Variants in PCDH15 observed in about 807,000 individuals in gnomAD.
The protein encoded by PCDH15 is protocadherin related 15.
PCDH15 carries 129 observed loss-of-function variants against 178.5 expected under a neutral mutation model. The observed-to-expected ratio is 0.72, with a 90% CI of 0.63 to 0.84. The LOEUF is 0.84. PCDH15 is among the 40% of genes least tolerant of loss of function. PCDH15 has a pLI of 0.00. For synonymous variants in PCDH15, 800 were observed against 732.0 expected (o/e 1.09, Z -1.50); for missense variants, 2,230 against 2,099.9 (o/e 1.06, Z -1.21).
At chr10:53,996,063 T>C (rs1020341531) in intron 20 of PCDH15, among the ~76,000 whole-genome samples, 11 of 152,158 alleles carry the variant, frequency 7.2e-5, no homozygotes, top group African/African-American at 2.4e-4. Flanking sequence ...TAACTTCTAA[T>C]GGTAAGAGGT....
At position 53,875,614 on chromosome 10, in the gene PCDH15, TA is replaced by T. The variant is rs540940962; in HGVS notation, c.3502-8758del. 4.9e-3 allele frequency among the ~76,000 whole-genome samples: 716 copies of T among 146,688 alleles called. 7 individuals are homozygous for T. The highest frequency in any genetic ancestry group is 0.016 in the African/African-American group (624 of 40,028). ...TATGAGTTTCCCTTAGTGAACAAAA[TA>T]AAAAAAAAAGTTAGTCTAGAGTTCT... On this transcript the variant is annotated intron_variant, in intron 26 of 37. Coordinates refer to ENST00000644397, the MANE Select transcript of PCDH15 (RefSeq NM_001384140.1).
chr10:55,552,745 A>C (rs900176332), intron 2 of PCDH15, among the ~76,000 whole-genome samples: 19 of 151,474 alleles, frequency 1.3e-4, no homozygotes, highest in African/African-American at 4.1e-4. Context: ...ATGACTTACA[A>C]ATATTATAAA....
At chr10:54,346,616 AGT>A in intron 5 of PCDH15, 132 bp from the exon 6 acceptor site, 1 of 1,013,888 alleles carries the variant, frequency 9.9e-7, no homozygotes, top group Non-Finnish European at 1.5e-6. Flanking sequence ...CACAAACTGA[AGT>A]GTTTCAAAAG....
intron 2 of PCDH15, among the ~76,000 whole-genome samples, chr10:55,399,894 T>C (rs1838023144): frequency 6.6e-6 from 1 of 152,086 alleles, no homozygotes; most frequent in Non-Finnish European, 1.5e-5. Context: ...ACAAACACAT[T>C]CAAAACAAAG....
chr10:54,032,381 A>G (rs906621980), intron 18 of PCDH15, among the ~76,000 whole-genome samples: 2 of 151,966 alleles, frequency 1.3e-5, no homozygotes, highest in African/African-American at 4.8e-5. Context: ...TTAAGAATTC[A>G]TAAGGACAGG....
chr10:54,797,672 G>A (rs1022195113), intron 1 of PCDH15, among the ~76,000 whole-genome samples: 28 of 152,076 alleles, frequency 1.8e-4, no homozygotes, highest in African/African-American at 6.7e-4. Context: ...TATTTTAAAT[G>A]TGGACACTGA....
intron 1 of PCDH15, among the ~76,000 whole-genome samples, chr10:55,265,301 G>A (rs11004789): frequency 0.38 from 54,039 of 142,518 alleles, 10,519 homozygotes; most frequent in Middle Eastern, 0.52. Flanking sequence ...ATATAGAGAT[G>A]TATCTCTATG....
chr10:54,621,840 A>C (rs919428223), intron 2 of PCDH15, among the ~76,000 whole-genome samples: 1 of 152,086 alleles, frequency 6.6e-6, no homozygotes, highest in Admixed American at 6.6e-5. Flanking sequence ...TTCAGGAAAG[A>C]AAATGAAACG....
At chr10:54,892,667 C>A (rs905365072) in intron 3 of PCDH15, among the ~76,000 whole-genome samples, 2 of 150,128 alleles carry the variant, frequency 1.3e-5, no homozygotes, top group African/African-American at 4.9e-5. Flanking sequence ...CTGGAATATT[C>A]CATCACTGAA....
chr10:55,174,302 A>C (rs1195346037), intron 1 of PCDH15, among the ~76,000 whole-genome samples: 1 of 152,166 alleles, frequency 6.6e-6, no homozygotes, highest in Non-Finnish European at 1.5e-5. Context: ...CTTGAAGGCA[A>C]GGACAATTTA....
chr10:54,867,969 T>C (rs546582596), intron 3 of PCDH15, among the ~76,000 whole-genome samples: 1 of 152,298 alleles, frequency 6.6e-6, no homozygotes, highest in South Asian at 2.1e-4. Flanking sequence ...TTTAATGTTC[T>C]CACCACACAT....
At chr10:54,569,225 T>C (rs1014027034) in intron 2 of PCDH15, among the ~76,000 whole-genome samples, 16 of 152,126 alleles carry the variant, frequency 1.1e-4, no homozygotes, top group African/African-American at 3.6e-4. Context: ...AGTATATATA[T>C]GAAAACAGAG....
At chr10:54,334,580 A>C (rs1004031604) in intron 6 of PCDH15, among the ~76,000 whole-genome samples, 1 of 152,164 alleles carries the variant, frequency 6.6e-6, no homozygotes, top group African/African-American at 2.4e-5. Flanking sequence ...AAAGAGGGAA[A>C]GACTCCAGCC....
chr10:55,312,621 G>GTT (rs200245300), intron 1 of PCDH15, among the ~76,000 whole-genome samples: 14 of 145,226 alleles, frequency 9.6e-5, no homozygotes, highest in Non-Finnish European at 1.1e-4. Context: ...AAGTAATAGA[G>GTT]TTTTTTTTTT....
chr10:55,419,706 C>T (rs993823229), intron 2 of PCDH15, among the ~76,000 whole-genome samples: 15 of 151,716 alleles, frequency 9.9e-5, no homozygotes, highest in Non-Finnish European at 1.5e-5. Context: ...TATCTGTACA[C>T]ACTACTATAG....
At chr10:54,917,241 TAGA>T (rs1178249705) in intron 2 of PCDH15, among the ~76,000 whole-genome samples, 1 of 152,222 alleles carries the variant, frequency 6.6e-6, no homozygotes, top group East Asian at 1.9e-4. Context: ...TTTATCAATT[TAGA>T]AGATTTAGCC....
intron 2 of PCDH15, among the ~76,000 whole-genome samples, chr10:55,495,874 A>C (rs1840521402): frequency 6.6e-6 from 1 of 151,916 alleles, no homozygotes; most frequent in Non-Finnish European, 1.5e-5. Context: ...GTGTTGACTA[A>C]CCATATAATG....
At chr10:54,456,815 C>A (rs989575804) in intron 3 of PCDH15, among the ~76,000 whole-genome samples, 2 of 152,026 alleles carry the variant, frequency 1.3e-5, no homozygotes, top group African/African-American at 4.8e-5. Flanking sequence ...TCGTGTTGTT[C>A]TTATGACAGT....
chr10:54,687,952 A>G (rs1285414387), intron 1 of PCDH15, among the ~76,000 whole-genome samples: 1 of 152,080 alleles, frequency 6.6e-6, no homozygotes, highest in Non-Finnish European at 1.5e-5. Flanking sequence ...AGCCCTAGAG[A>G]TCTGCCAAAC....
Sources: gnomAD v4.1 joint callset for allele counts (sites outside exome capture counted in the v4.1 genomes callset) on GRCh38, gnomAD v4.1.1 for gene constraint, MANE v1.5 for transcripts, NCBI Gene and HGNC (gene_info 2026-07-23, HGNC 2026-07-21) for gene names.